NYAP2: variants seen among roughly 807,000 people sequenced by gnomAD.
NYAP2 encodes the protein neuronal tyrosine-phosphorylated phosphoinositide-3-kinase adapter 2.
A neutral mutation model predicts 50.4 loss-of-function variants in NYAP2; 23 were observed. That is an observed-to-expected ratio of 0.46 (90% confidence interval 0.33 to 0.65). The LOEUF (loss-of-function observed/expected upper bound fraction) is 0.65, where lower values mean the gene tolerates loss of function less well. Among genes scored for constraint, NYAP2 ranks in the 30% least tolerant of loss-of-function variants. The pLI, the probability that NYAP2 is intolerant of heterozygous loss-of-function variation, is 0.02. For missense variants in NYAP2, 885 were observed against 861.0 expected, an observed-to-expected ratio of 1.03 and a Z score of -0.35; for synonymous variants, 394 against 365.2, an observed-to-expected ratio of 1.08 and a Z score of -0.90.
chr2:225,622,549 CTTTCTTTCTTTT>C (rs1282330589), intron 5 of NYAP2, among the ~76,000 whole-genome samples: 1 of 58,056 alleles, frequency 1.7e-5, no homozygotes, highest in Non-Finnish European at 3.4e-5. Context: ...TTCTTTCTTT[CTTTCTTTCTTTT>C]TCTTTCTTTC....
At chr2:225,468,530 G>C (rs934021206) in intron 3 of NYAP2, among the ~76,000 whole-genome samples, 1 of 152,144 alleles carries the variant, frequency 6.6e-6, no homozygotes, top group Non-Finnish European at 1.5e-5. Context: ...TCAAACCACT[G>C]TTTCAACTGA....
intron 5 of NYAP2, among the ~76,000 whole-genome samples, chr2:225,616,907 A>G (rs1693000742): frequency 6.6e-6 from 1 of 152,182 alleles, no homozygotes; most frequent in South Asian, 2.1e-4. Context: ...TTTTCTGCTT[A>G]ATTAATCTGC....
chr2:225,449,659 A>G (rs1347104249), intron 3 of NYAP2, among the ~76,000 whole-genome samples: 1 of 124,688 alleles, frequency 8.0e-6, no homozygotes, highest in Non-Finnish European at 1.6e-5. Context: ...CCCAGGCTGG[A>G]GTGCAGAGGC....
intron 4 of NYAP2, among the ~76,000 whole-genome samples, chr2:225,561,966 T>C (rs1484691183): frequency 6.6e-6 from 1 of 152,104 alleles, no homozygotes; most frequent in Non-Finnish European, 1.5e-5. Context: ...TCTGGCTTCC[T>C]GTCTCTCAAA....
At chr2:225,583,018 C>T (rs1449775591) in exon 5 of NYAP2, 4 of 1,611,360 alleles carry the variant, frequency 2.5e-6, no homozygotes, top group Non-Finnish European at 3.4e-6. Context: ...GGCCGGCGCT[C>T]CAAAGAGCCT....
At chr2:225,454,169 T>A (rs1044022499) in intron 3 of NYAP2, among the ~76,000 whole-genome samples, 1 of 151,676 alleles carries the variant, frequency 6.6e-6, no homozygotes, top group African/African-American at 2.4e-5. Flanking sequence ...ACACAAAAAA[T>A]TAAAATATTA....
intron 4 of NYAP2, among the ~76,000 whole-genome samples, chr2:225,527,996 A>G (rs545056572): frequency 2.0e-4 from 30 of 152,302 alleles, no homozygotes; most frequent in Admixed American, 5.2e-4. Context: ...AGCAATAATT[A>G]TAACTGGAAA....
At chr2:225,581,655 TC>T (rs1042701444) in intron 4 of NYAP2, among the ~76,000 whole-genome samples, 7 of 152,178 alleles carry the variant, frequency 4.6e-5, no homozygotes, top group African/African-American at 1.7e-4. Context: ...TCTGAAAGCT[TC>T]TCCTTAGGCA....
chr2:225,625,592 G>C (rs903945902), intron 5 of NYAP2, among the ~76,000 whole-genome samples: 1 of 152,144 alleles, frequency 6.6e-6, no homozygotes, highest in Admixed American at 6.6e-5. Flanking sequence ...GGCATTCAAA[G>C]GAGGGGTGGT....
At chr2:225,573,246 ATTTC>A (rs1293722220) in intron 4 of NYAP2, among the ~76,000 whole-genome samples, 201 of 128,926 alleles carry the variant, frequency 1.6e-3, no homozygotes, top group African/African-American at 6.2e-3. Flanking sequence ...CAACATTATT[ATTTC>A]TTTTTTTTTT....
At chr2:225,488,328 A>G (rs1318611702) in intron 3 of NYAP2, among the ~76,000 whole-genome samples, 2 of 152,202 alleles carry the variant, frequency 1.3e-5, no homozygotes, top group Non-Finnish European at 2.9e-5. Flanking sequence ...TAGACTGCTC[A>G]TTTTATAAGC....
intron 6 of NYAP2, among the ~76,000 whole-genome samples, chr2:225,645,403 C>T (rs1693614905): frequency 6.6e-6 from 1 of 150,608 alleles, no homozygotes; most frequent in African/African-American, 2.4e-5. Flanking sequence ...CTGTGTTCCT[C>T]CCTCCTTCTC....
chr2:225,593,207 A>G (rs1226908671), intron 5 of NYAP2, among the ~76,000 whole-genome samples: 1 of 152,182 alleles, frequency 6.6e-6, no homozygotes, highest in Non-Finnish European at 1.5e-5. Flanking sequence ...AGTCTAGCAC[A>G]AGGCTGGATG....
chr2:225,622,541 CTTTCTTTCTTTCTTTCTTT>C (rs1559232855), intron 5 of NYAP2, among the ~76,000 whole-genome samples: 1 of 64,680 alleles, frequency 1.5e-5, no homozygotes, highest in Admixed American at 1.7e-4. Flanking sequence ...TTCTTTCTTT[CTTTCTTTCTTTCTTTCTTT>C]TTCTTTCTTT....
At chr2:225,462,724 T>C (rs1689853028) in intron 3 of NYAP2, among the ~76,000 whole-genome samples, 1 of 152,154 alleles carries the variant, frequency 6.6e-6, no homozygotes, top group South Asian at 2.1e-4. Flanking sequence ...GAAGTATTTT[T>C]AGTAATACTG....
intron 4 of NYAP2, among the ~76,000 whole-genome samples, chr2:225,532,038 T>A (rs1225326981): frequency 6.6e-6 from 1 of 152,240 alleles, no homozygotes; most frequent in Admixed American, 6.5e-5. Flanking sequence ...AATAATGTTA[T>A]CAATTGAGAT....
At chr2:225,527,254 C>A (rs1028900638) in intron 4 of NYAP2, among the ~76,000 whole-genome samples, 1 of 152,122 alleles carries the variant, frequency 6.6e-6, no homozygotes, top group African/African-American at 2.4e-5. Context: ...GCCCAATGTG[C>A]CTGTGTGTCT....
chr2:225,520,494 T>C (rs1335717132), intron 4 of NYAP2, among the ~76,000 whole-genome samples: 2 of 152,216 alleles, frequency 1.3e-5, no homozygotes, highest in African/African-American at 4.8e-5. Flanking sequence ...TACATATGGC[T>C]AGCCAGTTTT....
intron 4 of NYAP2, among the ~76,000 whole-genome samples, chr2:225,565,001 G>A (rs539557974): frequency 6.6e-6 from 1 of 152,034 alleles, no homozygotes; most frequent in East Asian, 1.9e-4. Flanking sequence ...ATGGTGGTAG[G>A]TGCCTGTAGT....
Sources: allele counts gnomAD v4.1 joint callset (sites outside exome capture counted in the v4.1 genomes callset), GRCh38; gene constraint gnomAD v4.1.1; transcripts MANE v1.5; gene names NCBI Gene and HGNC (gene_info 2026-07-23, HGNC 2026-07-21).